NEK9: variants seen among roughly 807,000 people sequenced by gnomAD.
NEK9 encodes the protein NIMA related kinase 9, also known as serine/threonine-protein kinase Nek9.
A neutral mutation model predicts 123.4 loss-of-function variants in NEK9; 75 were observed. That is an observed-to-expected ratio of 0.61 (90% confidence interval 0.50 to 0.74). The LOEUF is 0.74. Among genes scored for constraint, NEK9 ranks in the 30% least tolerant of loss-of-function variants. NEK9 has a pLI of 0.00. For synonymous variants in NEK9, 438 were observed against 458.7 expected, an observed-to-expected ratio of 0.95 and a Z score of 0.58; for missense variants, 952 against 1,214.4, an observed-to-expected ratio of 0.78 and a Z score of 3.21.
intron 2 of NEK9, among the ~76,000 whole-genome samples, chr14:75,123,253 T>G (rs1042317707): frequency 7.9e-5 from 12 of 151,886 alleles, no homozygotes; most frequent in African/African-American, 2.9e-4. Context: ...ATACAAAAAT[T>G]AGCTGGGCGT....
Position 75,109,832 on chromosome 14 carries a change from T to A in NEK9, c.1035A>T (p.Arg345=). 6.2e-7 allele frequency: 1 copy of A among 1,613,950 alleles called. No individual in the cohort carries two copies. Among genetic ancestry groups the A allele is most frequent in the African/African-American group, 1.3e-5 (1 of 75,018 alleles). ...CACCCCAAACATAGACTTCACTGGTTCGTGATGTTACTACAGCAATGGGTG... is the reference window on the plus strand; with the variant it reads ...CACCCCAAACATAGACTTCACTGGTACGTGATGTTACTACAGCAATGGGTG... ...TEAPIAVVTS[R]TSEVYVWGGG... is the part of the protein sequence containing the mutation. Residue 345 remains arginine (R), a synonymous_variant, in exon 10 of 22, where the codon CGA becomes CGT. Coordinates refer to ENST00000238616, the MANE Select transcript of NEK9 (RefSeq NM_033116.6).
chr14:75,092,756 T>C (rs1293161766), intron 18 of NEK9, among the ~76,000 whole-genome samples: 2 of 152,136 alleles, frequency 1.3e-5, no homozygotes, highest in African/African-American at 4.8e-5. Flanking sequence ...ATTAAGAAGA[T>C]TAATCTGTCA....
chr14:75,086,650 G>A (rs1894032681), intron 21 of NEK9: 2 of 215,594 alleles, frequency 9.3e-6, no homozygotes, highest in African/African-American at 4.5e-5. Context: ...GCTCACACCT[G>A]TAATCCCAGC....
At chr14:75,104,350 G>A (rs1292396568) in intron 13 of NEK9, among the ~76,000 whole-genome samples, 1 of 151,998 alleles carries the variant, frequency 6.6e-6, no homozygotes, top group Non-Finnish European at 1.5e-5. Context: ...ATTTTTATTA[G>A]AGATGAGGTT....
chr14:75,110,019 C>G, intron 9 of NEK9, 142 bp from the exon 10 acceptor site: 1 of 885,986 alleles, frequency 1.1e-6, no homozygotes, highest in Non-Finnish European at 1.7e-6. Flanking sequence ...TTTCAATGTG[C>G]TCTATCACAG....
intron 16 of NEK9, among the ~76,000 whole-genome samples, chr14:75,098,464 T>C (rs1038297110): frequency 7.2e-5 from 11 of 151,972 alleles, no homozygotes; most frequent in African/African-American, 2.7e-4. Context: ...AATAAATGAG[T>C]CTGAAGGTCA....
rs536749798 is a variant in NEK9, at chr14:75,099,552, C to T, written c.2002+1440G>A. Among the ~76,000 whole-genome samples, 157 of 152,000 alleles carry T rather than the reference C, an allele frequency of 1.0e-3. 1 individual carries two copies. Among genetic ancestry groups the T allele is most frequent in the South Asian group, 8.9e-3 (43 of 4,818 alleles). ...ATCCCAGCACTTTCGGAGGCCAAGGCGGGTGGATCATCTGAGGTCAGGAGT... is the reference window on the plus strand; with the variant it reads ...ATCCCAGCACTTTCGGAGGCCAAGGTGGGTGGATCATCTGAGGTCAGGAGT... On this transcript the variant is annotated intron_variant, in intron 16 of 21. Transcript: ENST00000238616.
chr14:75,110,425 A>T, intron 8 of NEK9, 54 bp from the exon 9 acceptor site: 1 of 1,354,806 alleles, frequency 7.4e-7, no homozygotes, highest in Non-Finnish European at 1.1e-6. Flanking sequence ...TTTATATTGC[A>T]AAGGTGTCTG....
At chr14:75,115,095 ATATG>A (rs1895093234) in intron 6 of NEK9, among the ~76,000 whole-genome samples, 1 of 88,328 alleles carries the variant, frequency 1.1e-5, no homozygotes, top group African/African-American at 3.8e-5. Flanking sequence ...GTGTGTACAT[ATATG>A]CACACGTGTG....
chr14:75,086,815 A>G, intron 21 of NEK9: 1 of 528,466 alleles, frequency 1.9e-6, no homozygotes, highest in Non-Finnish European at 3.4e-6. Context: ...CTGAGGCAGG[A>G]GAATTGCTTG....
At position 75,104,004 on chromosome 14, in the gene NEK9, GA is replaced by G. The variant is rs547122874; in HGVS notation, c.1576-8del. The G allele has an allele frequency of 1.9e-6, 3 of 1,593,432 alleles. No individual in the cohort carries two copies. The highest frequency in any genetic ancestry group is 2.6e-6 in the Non-Finnish European group (3 of 1,173,634). On this transcript the variant is annotated splice_region_variant and splice_polypyrimidine_tract_variant and intron_variant, in intron 13 of 21. Coordinates refer to ENST00000238616, the MANE Select transcript of NEK9 (RefSeq NM_033116.6). ...AGGCCTTGGGAACATCCACCTGCAA[GA>G]AAAAAATCAGAAAAAGAAATCCCAA...
rs201392825 is a variant in NEK9 at position 75,095,462 on chromosome 14, G to A, written c.2174-31C>T. 87 of 1,504,166 alleles carry A rather than the reference G, an allele frequency of 5.8e-5. 2 individuals are homozygous for A. The East Asian group carries it at 7.2e-4, about 12-fold the overall frequency. The allele number at this position is 1,504,166 out of a possible 1,614,324, so 93.2% of individuals were successfully genotyped here. ...AAAAAATATTTGGTAGGTAAGCACT[G>A]TATACTGATATAGGCAAGAAAAATG... On this transcript the variant is annotated intron_variant, in intron 17 of 21. Transcript: ENST00000238616.
chr14:75,101,125 G>A lies in NEK9; in HGVS notation c.1869C>T (p.Cys623=). The A allele has an allele frequency of 6.2e-7, 1 of 1,614,204 alleles. No homozygotes were observed. Among genetic ancestry groups the A allele is most frequent in the Non-Finnish European group, 8.5e-7 (1 of 1,180,030 alleles). Residue 623 remains cysteine, a synonymous_variant, in exon 16 of 22, where the codon TGC becomes TGT. Coordinates refer to ENST00000238616, the MANE Select transcript of NEK9 (RefSeq NM_033116.6). ...DERGRLLTFG[C]NKCGQLGVGN... Reference sequence around the variant, plus strand: ...CAACGCCCAGCTGCCCACACTTGTTGCAGCCAAAGGTCAGCAGCCGGCCTC... The same window carrying A: ...CAACGCCCAGCTGCCCACACTTGTTACAGCCAAAGGTCAGCAGCCGGCCTC...
Position 75,126,696 on chromosome 14 carries a change from C to T in NEK9, c.219+7G>A, listed in dbSNP as rs1037438714. 6.4e-6 allele frequency: 9 copies of T among 1,409,054 alleles called. No homozygotes were observed. Among genetic ancestry groups the T allele is most frequent in the Non-Finnish European group, 8.3e-6 (9 of 1,086,390 alleles). The allele number at this position is 1,409,054 out of a possible 1,614,324, so 87.3% of individuals were successfully genotyped here. A position where few individuals can be genotyped will look rare whatever the true frequency, so the allele number is the denominator to read the frequency against. On this transcript the variant is annotated splice_region_variant and intron_variant, in intron 1 of 21. Coordinates refer to ENST00000238616, the MANE Select transcript of NEK9 (RefSeq NM_033116.6). ...CAGACAGGGCGGCCGGCGCCGAGGG[C>T]CGCTACCTCGGTGCGGCGGTACAGC...
chr14:75,120,557 C>T lies in NEK9; in HGVS notation c.477G>A (p.Gln159=). 6.2e-7 allele frequency: 1 copy of T among 1,612,684 alleles called. No homozygotes were observed. ...EEEMVVWYLF[Q]IVSAVSCIHK... Reference sequence around the variant, plus strand: ...GGATGCAGCTCACTGCTGAAACAATCTGAAATAGGTACCACACCACCATCT... The same window carrying T: ...GGATGCAGCTCACTGCTGAAACAATTTGAAATAGGTACCACACCACCATCT... The change falls in exon 4 of 22, where the codon CAG becomes CAA. Residue 159 remains glutamine (Q), a synonymous_variant. Coordinates refer to ENST00000238616, the MANE Select transcript of NEK9 (RefSeq NM_033116.6).
At chr14:75,120,806 A>G in intron 3 of NEK9, 1 of 586,866 alleles carries the variant, frequency 1.7e-6, no homozygotes, top group Non-Finnish European at 3.0e-6. Flanking sequence ...TATAATATAT[A>G]GTATGGTAAA....
At chr14:75,110,412 G>A in intron 8 of NEK9, 41 bp from the exon 9 acceptor site, 3 of 1,484,682 alleles carry the variant, frequency 2.0e-6, no homozygotes, top group Non-Finnish European at 2.8e-6. Context: ...GAAATAATAG[G>A]TTTTTATATT....
In NEK9 at chr14:75,103,909, G is replaced by A; in HGVS notation, c.1664C>T (p.Ala555Val). 1 of 1,614,082 alleles carries A rather than the reference G, an allele frequency of 6.2e-7. No homozygotes were observed. The highest frequency in any genetic ancestry group is 1.1e-5 in the South Asian group (1 of 91,078). The change falls in exon 14 of 22, where the codon GCC becomes GTC. Residue 555 changes from alanine to valine, a missense_variant. This residue lies in a region of NEK9 where 698 missense variants were observed against 875.6 expected (regional missense o/e 0.80). Coordinates refer to ENST00000238616, the MANE Select transcript of NEK9 (RefSeq NM_033116.6). Reference protein sequence around the residue: ...FLLTQSGKVLACGLNEFNKLG... With the variant: ...FLLTQSGKVLVCGLNEFNKLG... ...CTTATTGAATTCATTGAGTCCACAG[G>A]CCAGCACTTTGCCTGACTGGGTCAA...
intron 11 of NEK9, among the ~76,000 whole-genome samples, 196 bp downstream of exon 11, chr14:75,107,147 C>G (rs1018158490): frequency 1.3e-5 from 2 of 152,020 alleles, no homozygotes; most frequent in African/African-American, 4.8e-5. Flanking sequence ...CTGTTACCCA[C>G]CTGTCTTCTC....
Sources: allele counts gnomAD v4.1 joint callset (sites outside exome capture counted in the v4.1 genomes callset), GRCh38; gene constraint gnomAD v4.1.1; regional missense constraint gnomAD v4.1.1; transcripts MANE v1.5; gene names NCBI Gene and HGNC (gene_info 2026-07-23, HGNC 2026-07-21).